The following CCDC30 variants were observed in gnomAD, a reference collection of about 807,000 sequenced individuals.
The protein encoded by CCDC30 is coiled-coil domain containing 30.
A neutral mutation model predicts 100.2 loss-of-function variants in CCDC30; 70 were observed. The observed-to-expected ratio is 0.70, with a 90% CI of 0.58 to 0.85. The LOEUF is 0.85. CCDC30 is among the 40% of genes least tolerant of loss of function. CCDC30 has a pLI of 0.00. For missense variants in CCDC30, 652 were observed against 771.2 expected, an observed-to-expected ratio of 0.85 and a Z score of 1.83; for synonymous variants, 233 against 269.5, an observed-to-expected ratio of 0.86 and a Z score of 1.33.
At chr1:42,484,933 A>T (rs1038750379) in intron 3 of CCDC30, among the ~76,000 whole-genome samples, 2 of 152,140 alleles carry the variant, frequency 1.3e-5, no homozygotes, top group African/African-American at 4.8e-5. Context: ...ACCAATTATG[A>T]TGTGTGGCCT....
chr1:42,588,788 C>A (rs1646126960), intron 9 of CCDC30, among the ~76,000 whole-genome samples: 1 of 152,112 alleles, frequency 6.6e-6, no homozygotes. Context: ...GCCTTTCATT[C>A]AAAATATTTA....
intron 6 of CCDC30, among the ~76,000 whole-genome samples, chr1:42,526,349 T>C (rs566482563): frequency 1.5e-4 from 23 of 152,312 alleles, no homozygotes; most frequent in African/African-American, 5.3e-4. Context: ...TTTTTTTCTT[T>C]TTCCATGACC....
At chr1:42,619,383 C>T (rs987620605) in intron 11 of CCDC30, among the ~76,000 whole-genome samples, 1 of 152,158 alleles carries the variant, frequency 6.6e-6, no homozygotes, top group Non-Finnish European at 1.5e-5. Context: ...CTCCTTTACC[C>T]TCTGAAGGTT....
intron 10 of CCDC30, among the ~76,000 whole-genome samples, chr1:42,603,727 C>G (rs1646450246): frequency 6.6e-6 from 1 of 152,150 alleles, no homozygotes; most frequent in Admixed American, 6.5e-5. Flanking sequence ...CTGGTTTTCA[C>G]AAAACTAAAT....
chr1:42,635,698 C>A (rs1199187336), intron 11 of CCDC30, among the ~76,000 whole-genome samples: 1 of 151,824 alleles, frequency 6.6e-6, no homozygotes, highest in Non-Finnish European at 1.5e-5. Flanking sequence ...AGTCCCGCTA[C>A]TCAGGAGGCT....
intron 6 of CCDC30, among the ~76,000 whole-genome samples, chr1:42,530,514 T>C (rs1384075366): frequency 6.6e-6 from 1 of 152,092 alleles, no homozygotes; most frequent in East Asian, 1.9e-4. Context: ...AATAAAATAA[T>C]ATAAAATTTA....
At chr1:42,457,253 C>T in the CCDC30 span, 18 of 1,613,978 alleles carry the variant, frequency 1.1e-5, no homozygotes, top group East Asian at 4.0e-4. Context: ...GCAGGCCCTT[C>T]TGCGATGTTT....
At chr1:42,527,625 T>A (rs1644741004) in intron 6 of CCDC30, among the ~76,000 whole-genome samples, 1 of 152,208 alleles carries the variant, frequency 6.6e-6, no homozygotes, top group African/African-American at 2.4e-5. Context: ...ATTGTACACA[T>A]GTAACACTAC....
chr1:42,623,133 A>G (rs1045133300), intron 11 of CCDC30, among the ~76,000 whole-genome samples: 2 of 151,756 alleles, frequency 1.3e-5, no homozygotes, highest in Non-Finnish European at 2.9e-5. Context: ...TGGTTATTAA[A>G]CCCTTGTCAG....
chr1:42,633,862 C>G (rs1647089128), intron 11 of CCDC30, among the ~76,000 whole-genome samples: 1 of 152,184 alleles, frequency 6.6e-6, no homozygotes, highest in Admixed American at 6.5e-5. Flanking sequence ...AATTGACTCA[C>G]AGTTCAGCAT....
intron 12 of CCDC30, among the ~76,000 whole-genome samples, chr1:42,639,961 C>T (rs920312392): frequency 1.1e-4 from 11 of 97,332 alleles, no homozygotes; most frequent in African/African-American, 4.0e-4. Flanking sequence ...AGTGAAACTT[C>T]GTCTCAAAAA....
intron 16 of CCDC30, 110 bp from the exon 21 acceptor site, chr1:42,653,708 T>C: frequency 1.3e-6 from 1 of 753,466 alleles, no homozygotes; most frequent in Admixed American, 2.7e-5. Context: ...TTTGGCTTTG[T>C]GTAACAGTTG....
chr1:42,647,352 A>G (rs1245879640), intron 15 of CCDC30, among the ~76,000 whole-genome samples: 1 of 152,202 alleles, frequency 6.6e-6, no homozygotes, highest in East Asian at 1.9e-4. Flanking sequence ...GGGGTAACCT[A>G]TATAATGATA....
chr1:42,577,250 T>C (rs745567110), intron 8 of CCDC30, 21 bp downstream of exon 12: 1 of 1,487,078 alleles, frequency 6.7e-7, no homozygotes, highest in South Asian at 1.1e-5. Flanking sequence ...TCATGCTTAA[T>C]AAACAGCATA....
chr1:42,652,936 A>C (rs2148701635), intron 15 of CCDC30, among the ~76,000 whole-genome samples: 1 of 152,276 alleles, frequency 6.6e-6, no homozygotes, highest in South Asian at 2.1e-4. Context: ...GGTGATGAAA[A>C]TATTCTGGAA....
At chr1:42,643,105 G>A (rs1369507870) in intron 13 of CCDC30, among the ~76,000 whole-genome samples, 2 of 152,154 alleles carry the variant, frequency 1.3e-5, no homozygotes, top group African/African-American at 4.8e-5. Flanking sequence ...CAAAGAGAGT[G>A]GGTTGATGTT....
intron 11 of CCDC30, among the ~76,000 whole-genome samples, chr1:42,626,634 A>G (rs1488886715): frequency 2.0e-5 from 3 of 152,080 alleles, no homozygotes; most frequent in Non-Finnish European, 4.4e-5. Flanking sequence ...GAATTCCCAC[A>G]TGTTGTGGGA....
At chr1:42,559,684 C>A (rs1337467842) in intron 6 of CCDC30, among the ~76,000 whole-genome samples, 1 of 152,120 alleles carries the variant, frequency 6.6e-6, no homozygotes, top group Non-Finnish European at 1.5e-5. Flanking sequence ...GACTCCCACA[C>A]AATAGTAGTG....
intron 6 of CCDC30, chr1:42,558,134 G>A: frequency 3.2e-6 from 1 of 313,008 alleles, no homozygotes; most frequent in Non-Finnish European, 6.7e-6. Flanking sequence ...TTTCTACTCT[G>A]GCAGAGTGAC....
Sources: gnomAD v4.1 joint callset for allele counts (sites outside exome capture counted in the v4.1 genomes callset) on GRCh38, gnomAD v4.1.1 for gene constraint, MANE v1.5 for transcripts, NCBI Gene and HGNC (gene_info 2026-07-23, HGNC 2026-07-21) for gene names.